The following MIB1 variants were observed in gnomAD, a reference collection of about 807,000 sequenced individuals.
The protein encoded by MIB1 is MIB E3 ubiquitin protein ligase 1, also known as E3 ubiquitin-protein ligase MIB1.
MIB1 carries 278 observed loss-of-function variants against 124.5 expected under a neutral mutation model. The ratio of observed to expected loss-of-function variants is 2.23; its 90% CI spans 2.02 to 2.47. The LOEUF is 2.47. MIB1 is among the 30% of genes most tolerant of loss of function. MIB1 has a pLI of 0.00. For missense variants in MIB1, 957 were observed against 1,254.4 expected (o/e 0.76, Z 3.58); for synonymous variants, 446 against 429.4 (o/e 1.04, Z -0.48).
chr18:21,766,273 G>A (rs1252311829), intron 2 of MIB1, among the ~76,000 whole-genome samples: 1 of 152,160 alleles, frequency 6.6e-6, no homozygotes, highest in Non-Finnish European at 1.5e-5. Context: ...TCTGTTAATT[G>A]ATATCAGATG....
At chr18:21,859,076 G>T (rs989257607) in intron 20 of MIB1, among the ~76,000 whole-genome samples, 11 of 152,166 alleles carry the variant, frequency 7.2e-5, no homozygotes, top group African/African-American at 9.7e-5. Context: ...GTTATTGTTT[G>T]GAATATAAAC....
chr18:21,822,015 A>G (rs993664157), intron 12 of MIB1, among the ~76,000 whole-genome samples: 1 of 152,144 alleles, frequency 6.6e-6, no homozygotes, highest in Non-Finnish European at 1.5e-5. Flanking sequence ...TGTTCATCCT[A>G]CATATGCTCT....
upstream of MIB1, among the ~76,000 whole-genome samples, chr18:21,740,716 C>G (rs1309966927): frequency 2.0e-5 from 3 of 152,244 alleles, no homozygotes; most frequent in Non-Finnish European, 4.4e-5. Flanking sequence ...CGCCCCTGGG[C>G]CCGCCCCTCC....
intron 1 of MIB1, among the ~76,000 whole-genome samples, chr18:21,726,426 G>C (rs28703624): frequency 2.0e-5 from 3 of 151,946 alleles, no homozygotes; most frequent in African/African-American, 7.3e-5. Flanking sequence ...ATCTGTCTAC[G>C]TTCCGACAGA....
chr18:21,846,891 G>A, intron 15 of MIB1, 53 bp from the exon 16 acceptor site: 1 of 1,548,050 alleles, frequency 6.5e-7, no homozygotes, highest in South Asian at 1.1e-5. Flanking sequence ...ATGATGACAA[G>A]AATTGATGGC....
chr18:21,851,618 G>A (rs1235729873), intron 17 of MIB1, among the ~76,000 whole-genome samples: 1 of 152,086 alleles, frequency 6.6e-6, no homozygotes, highest in African/African-American at 2.4e-5. Flanking sequence ...ATCCTTTTCT[G>A]TTAGAGAAAT....
chr18:21,802,695 T>C (rs1662459773), intron 9 of MIB1, among the ~76,000 whole-genome samples: 1 of 152,194 alleles, frequency 6.6e-6, no homozygotes, highest in South Asian at 2.1e-4. Context: ...TGGTTGTTTG[T>C]TCTTCTATAA....
chr18:21,856,231 C>T (rs1164445366), intron 18 of MIB1, among the ~76,000 whole-genome samples: 7 of 10,264 alleles, frequency 6.8e-4, no homozygotes, highest in South Asian at 3.8e-3. Flanking sequence ...AGCGAGACTC[C>T]GTCTCAAAAA....
rs2041136843 is a variant in MIB1, at chr18:21,764,733, A to AC, written c.230-1039_230-1038insC. On this transcript the variant is annotated intron_variant, in intron 1 of 20. Transcript: ENST00000261537. ...TGCCTCCCTCCAGTTATTTTGAAAA[A>AC]AAAAACAAAACAAAACAAAACAAAA... Among the ~76,000 whole-genome samples, 6 of 142,326 alleles carry AC rather than the reference A, an allele frequency of 4.2e-5. No homozygotes were observed. The Admixed American group carries it at 4.4e-4, about 10-fold the overall frequency. The allele number at this position is 142,326 out of a possible 152,430, so 93.4% of individuals were successfully genotyped here.
intron 1 of MIB1, among the ~76,000 whole-genome samples, chr18:21,732,720 G>T (rs2040777772): frequency 6.6e-6 from 1 of 152,106 alleles, no homozygotes; most frequent in South Asian, 2.1e-4. Context: ...GATTTTTTAA[G>T]ATTAGTAAAC....
At chr18:21,709,343 G>T (rs918768396) in intron 1 of MIB1, among the ~76,000 whole-genome samples, 6 of 150,152 alleles carry the variant, frequency 4.0e-5, no homozygotes, top group Non-Finnish European at 8.9e-5. Context: ...AAAAGTCGTG[G>T]TGCTGGTCCT....
Position 21,773,707 on chromosome 18 carries a change from C to A in MIB1, c.615C>A (p.Tyr205Ter). Residue 205 changes from tyrosine (Y) to a stop codon, truncating the protein, a stop_gained, in exon 4 of 21, where the codon TAC becomes TAA. Transcript: ENST00000261537. LOFTEE classifies it high-confidence loss of function. ...VLWDNGAKNL[Y>*]RVGFEGMSDL... is the part of the protein sequence containing the mutation. ...GGGATAATGGTGCTAAGAACCTTTA[C>A]AGAGTTGGCTTTGAGGGCATGGTAA... The A allele has an allele frequency of 1.2e-6, 2 of 1,602,354 alleles. No homozygotes were observed. The highest frequency in any genetic ancestry group is 2.3e-5 in the South Asian group (2 of 88,562).
At chr18:21,815,564 T>G in intron 10 of MIB1, 52 bp from the exon 11 acceptor site, 2 of 1,492,874 alleles carry the variant, frequency 1.3e-6, no homozygotes, top group South Asian at 2.4e-5. Context: ...AGCTTCAAGG[T>G]TTTTTTCTTT....
chr18:21,742,946 A>T (rs1018753302), intron 1 of MIB1, among the ~76,000 whole-genome samples: 3 of 152,132 alleles, frequency 2.0e-5, no homozygotes, highest in South Asian at 2.1e-4. Context: ...AACATTTATT[A>T]AAAAAAATTT....
In MIB1 at chr18:21,791,383, C is replaced by G. The variant is rs1389735407; in HGVS notation, c.918C>G (p.Phe306Leu). 1 of 1,607,258 alleles carries G rather than the reference C, an allele frequency of 6.2e-7. No individual in the cohort carries two copies. The highest frequency in any genetic ancestry group is 1.3e-5 in the African/African-American group (1 of 74,846). ...VQYPSGNRWT[F>L]NPAVLTKANI... ...AGCTTTGCTCTTGTAGGTGGACCTT[C>G]AATCCTGCTGTTCTCACTAAAGCGA... The change falls in exon 7 of 21, where the codon TTC becomes TTG. Residue 306 changes from phenylalanine (F) to leucine (L), a missense_variant. Coordinates refer to ENST00000261537, the MANE Select transcript of MIB1 (RefSeq NM_020774.4).
chr18:21,818,342 C>T (rs1253555340), intron 11 of MIB1, among the ~76,000 whole-genome samples: 1 of 152,080 alleles, frequency 6.6e-6, no homozygotes, highest in African/African-American at 2.4e-5. Context: ...TTGAAAGCCA[C>T]CGACTTTCAA....
chr18:21,768,093 A>G (rs929917155), intron 2 of MIB1, among the ~76,000 whole-genome samples: 1 of 152,228 alleles, frequency 6.6e-6, no homozygotes, highest in African/African-American at 2.4e-5. Context: ...GTCTGAGGTC[A>G]AGTGCCATTT....
At chr18:21,737,417 G>GC (rs1314573762), upstream of MIB1, among the ~76,000 whole-genome samples, 43 of 152,260 alleles carry the variant, frequency 2.8e-4, no homozygotes, top group African/African-American at 9.4e-4. Flanking sequence ...ACCAGCCACT[G>GC]AAAAACATGC....
At chr18:21,774,075 C>T (rs981961218) in intron 4 of MIB1, among the ~76,000 whole-genome samples, 1 of 152,094 alleles carries the variant, frequency 6.6e-6, no homozygotes, top group African/African-American at 2.4e-5. Flanking sequence ...TATTTGTATT[C>T]TGTGCTCTGG....
Sources: gnomAD v4.1 joint callset for allele counts (sites outside exome capture counted in the v4.1 genomes callset) on GRCh38, gnomAD v4.1.1 for gene constraint, MANE v1.5 for transcripts, NCBI Gene and HGNC (gene_info 2026-07-23, HGNC 2026-07-21) for gene names.